The following PLBD2 variants were observed in gnomAD, a reference collection of about 807,000 sequenced individuals.
PLBD2 encodes phospholipase B domain containing 2.
A neutral mutation model predicts 68.3 loss-of-function variants in PLBD2; 51 were observed. The observed-to-expected ratio is 0.75, with a 90% CI of 0.60 to 0.94. The LOEUF is 0.94. PLBD2 is among the 40% of genes least tolerant of loss of function. PLBD2 has a pLI of 0.00. For missense variants in PLBD2, 729 were observed against 792.2 expected, an observed-to-expected ratio of 0.92 and a Z score of 0.96; for synonymous variants, 314 against 339.3, an observed-to-expected ratio of 0.93 and a Z score of 0.82.
rs1957369183 is a variant in PLBD2 at position 113,369,336 on chromosome 12, G to A, written c.384+127G>A. On this transcript the variant is annotated intron_variant, in intron 2 of 11. Transcript: ENST00000280800. Reference sequence around the variant, plus strand: ...CCTGCCACAGCCCTTCATCTATCTGGGGAGAAAAAGTGGACATGCATTCTT... The same window carrying A: ...CCTGCCACAGCCCTTCATCTATCTGAGGAGAAAAAGTGGACATGCATTCTT... 4 of 667,680 alleles carry A rather than the reference G, an allele frequency of 6.0e-6. No homozygotes were observed. The East Asian group carries it at 1.3e-4, about 21-fold the overall frequency. The allele number at this position is 667,680 out of a possible 1,614,324, so 41.4% of individuals were successfully genotyped here. A position where few individuals can be genotyped will look rare whatever the true frequency, so the allele number is the denominator to read the frequency against.
At chr12:113,380,660 T>C (rs1957479583) in intron 5 of PLBD2, 85 bp from the exon 6 acceptor site, 1 of 1,106,128 alleles carries the variant, frequency 9.0e-7, no homozygotes, top group East Asian at 2.6e-5. Context: ...CCTGTGCCCC[T>C]GTGCCTGTGT....
At chr12:113,374,624 C>A in intron 4 of PLBD2, 50 bp downstream of exon 4, 2 of 1,498,656 alleles carry the variant, frequency 1.3e-6, no homozygotes, top group Non-Finnish European at 9.1e-7. Flanking sequence ...GCCACACACT[C>A]ATAGTCGGAC....
chr12:113,385,455 G>C (rs2136923262), intron 9 of PLBD2, among the ~76,000 whole-genome samples, 172 bp downstream of exon 9: 1 of 152,324 alleles, frequency 6.6e-6, no homozygotes, highest in East Asian at 1.9e-4. Context: ...CATGGCTTAA[G>C]TCAGCATCCA....
intron 1 of PLBD2, 127 bp from the exon 2 acceptor site, chr12:113,368,988 TG>T: frequency 1.7e-6 from 1 of 599,308 alleles, no homozygotes; most frequent in Non-Finnish European, 2.9e-6. Flanking sequence ...CTCACAAAGA[TG>T]GACAGACAGA....
At chr12:113,378,975 A>G (rs1045855786) in intron 5 of PLBD2, among the ~76,000 whole-genome samples, 13 of 152,144 alleles carry the variant, frequency 8.5e-5, no homozygotes, top group Non-Finnish European at 1.3e-4. Context: ...TGCCCGGCCT[A>G]CTGGTCCCTT....
chr12:113,384,971 G>T lies in PLBD2; in HGVS notation c.1214+25G>T. ...CGTGCGTACCCTGGGAGGGAGGGGTGGGGGCTCGGGGCAGAGGGGACTGCC... is the reference window on the plus strand; with the variant it reads ...CGTGCGTACCCTGGGAGGGAGGGGTTGGGGCTCGGGGCAGAGGGGACTGCC... On this transcript the variant is annotated intron_variant, in intron 8 of 11. Transcript: ENST00000280800. This position sits in a 1 kb window ranked among gnomAD's most constrained non-coding sequence, Gnocchi z 4.2. 1 of 1,578,706 alleles carries T rather than the reference G, an allele frequency of 6.3e-7. No individual in the cohort carries two copies. Among genetic ancestry groups the T allele is most frequent in the Non-Finnish European group, 8.7e-7 (1 of 1,154,616 alleles).
intron 5 of PLBD2, among the ~76,000 whole-genome samples, chr12:113,375,363 G>A (rs1183047384): frequency 2.0e-5 from 3 of 152,028 alleles, no homozygotes; most frequent in Non-Finnish European, 4.4e-5. Flanking sequence ...TGTTGCCCAG[G>A]CTTGTCTCAA....
At chr12:113,386,510 C>G (rs1037854080) in intron 9 of PLBD2, among the ~76,000 whole-genome samples, 1 of 148,034 alleles carries the variant, frequency 6.8e-6, no homozygotes, top group Non-Finnish European at 1.5e-5. Context: ...CGTGCCACCA[C>G]GCCGGCTAAT....
chr12:113,370,632 C>T (rs1593282296), intron 2 of PLBD2, among the ~76,000 whole-genome samples: 2 of 151,988 alleles, frequency 1.3e-5, no homozygotes, highest in East Asian at 3.9e-4. Context: ...CATGCACCAC[C>T]ACGTCTGGCT....
At chr12:113,365,593 G>A (rs1392209658) in intron 1 of PLBD2, among the ~76,000 whole-genome samples, 1 of 151,964 alleles carries the variant, frequency 6.6e-6, no homozygotes, top group Admixed American at 6.6e-5. Context: ...GATTACAGGC[G>A]TGAGCCACCG....
At chr12:113,374,661 C>T in intron 4 of PLBD2, 87 bp downstream of exon 4, 9 of 1,448,732 alleles carry the variant, frequency 6.2e-6, no homozygotes, top group Non-Finnish European at 8.6e-6. Flanking sequence ...ATCAACCTTG[C>T]CACTCCCTGG....
rs1012769779 is a variant in PLBD2 at position 113,372,736 on chromosome 12, T to G, written c.472T>G (p.Phe158Val). ...EVGYCERLKSFLEANLEWMQE... is the reference protein window; with the variant it reads ...EVGYCERLKSVLEANLEWMQE... The stretch of plus-strand genomic sequence containing the variant: ...CGGCTACTGCGAGAGGCTGAAGAGC[T>G]TCCTGGAGGCCAACCTAGAGTGGAT... The change falls in exon 3 of 12, where the codon TTC becomes GTC. Residue 158 changes from phenylalanine (F) to valine (V), a missense_variant. Physicochemically the swap from Phe to Val is conservative, Grantham distance 50. Transcript: ENST00000280800. This position sits in a 1 kb window ranked among gnomAD's most constrained non-coding sequence, Gnocchi z 4.2. The G allele has an allele frequency of 1.2e-6, 2 of 1,613,950 alleles. No individual in the cohort carries two copies. The highest frequency in any genetic ancestry group is 2.7e-5 in the African/African-American group (2 of 74,918).
In PLBD2 at chr12:113,372,310, C is replaced by CA. The variant is rs1156636841; in HGVS notation, c.385-338dup. Among the ~76,000 whole-genome samples the CA allele has an allele frequency of 2.6e-5, 4 of 151,900 alleles. No individual in the cohort carries two copies. The highest frequency in any genetic ancestry group is 9.7e-5 in the African/African-American group (4 of 41,410). On this transcript the variant is annotated intron_variant, in intron 2 of 11. Transcript: ENST00000280800. This position sits in a 1 kb window ranked among gnomAD's most constrained non-coding sequence, Gnocchi z 4.2. ...GCTGTTTTGTTCCCTGCTATGTCCT[C>CA]AGTGCTTAAAAAGGAACATAATAGG...
chr12:113,385,298 A>G lies in PLBD2; in HGVS notation c.1286+15A>G, dbSNP rs1477813144. On this transcript the variant is annotated intron_variant, in intron 9 of 11. Coordinates refer to ENST00000280800, the MANE Select transcript of PLBD2 (RefSeq NM_173542.4). ...TACAACATACCGTGCGTGCCTTCTC[A>G]CTCCGCTCCCCGTCACCCTCCAGGG... 4 of 1,610,682 alleles carry G rather than the reference A, an allele frequency of 2.5e-6. No individual in the cohort carries two copies. Among genetic ancestry groups the G allele is most frequent in the Non-Finnish European group, 3.4e-6 (4 of 1,177,890 alleles).
At chr12:113,362,845 C>G (rs980679830) in intron 1 of PLBD2, among the ~76,000 whole-genome samples, 2 of 151,312 alleles carry the variant, frequency 1.3e-5, no homozygotes, top group African/African-American at 4.9e-5. Context: ...AGTGCAGTGG[C>G]ATGATCTTGG....
rs576089620 is a variant in PLBD2 at position 113,389,123 on chromosome 12, C to G, written c.*497C>G. 2.6e-5 allele frequency: 4 copies of G among 152,874 alleles called. No homozygotes were observed. Among genetic ancestry groups the G allele is most frequent in the Admixed American group, 6.5e-5 (1 of 15,296 alleles). 9.5% of individuals were successfully genotyped at this position (152,874 alleles called of 1,614,324 possible). On this transcript the variant is annotated 3_prime_UTR_variant, in exon 12 of 12. Transcript: ENST00000280800. ...CTCCCAGCTCTGGCCCCTCTGCTCC[C>G]TCAGGAAGCAGTCCCCTCGTCTCCC...
At chr12:113,358,945 G>T in intron 1 of PLBD2, 55 bp downstream of exon 1, 1 of 1,450,082 alleles carries the variant, frequency 6.9e-7, no homozygotes. Context: ...ATGCGTGGGC[G>T]CCGGACCTCG....
intron 1 of PLBD2, chr12:113,359,372 CCCTT>C (rs1957265648): frequency 6.5e-6 from 1 of 154,204 alleles, no homozygotes; most frequent in Non-Finnish European, 1.4e-5. Flanking sequence ...CACCCTGCCT[CCCTT>C]CCAGTGCCAG....
In PLBD2 at chr12:113,372,716, A is replaced by G; in HGVS notation, c.452A>G (p.Tyr151Cys). Reference sequence around the variant, plus strand: ...GGCCCCTTCGAGTATGAAGTCGGCTACTGCGAGAGGCTGAAGAGCTTCCTG... The same window carrying G: ...GGCCCCTTCGAGTATGAAGTCGGCTGCTGCGAGAGGCTGAAGAGCTTCCTG... ...YCGPFEYEVGYCERLKSFLEA... is the reference protein window; with the variant it reads ...YCGPFEYEVGCCERLKSFLEA... Residue 151 changes from tyrosine (Y) to cysteine (C), a missense_variant, in exon 3 of 12, where the codon TAC becomes TGC. Tyr to Cys is a radical substitution (Grantham distance 194). Transcript: ENST00000280800. The surrounding 1 kb of genome is among the most constrained non-coding windows in gnomAD (Gnocchi z 4.2). The G allele has an allele frequency of 6.2e-7, 1 of 1,614,134 alleles. No individual in the cohort carries two copies. The highest frequency in any genetic ancestry group is 1.3e-5 in the African/African-American group (1 of 75,064).
Sources: gnomAD v4.1 joint callset for allele counts (sites outside exome capture counted in the v4.1 genomes callset) on GRCh38, gnomAD v4.1.1 for gene constraint, Gnocchi (gnomAD v3.1) non-coding constraint, MANE v1.5 for transcripts, NCBI Gene and HGNC (gene_info 2026-07-23, HGNC 2026-07-21) for gene names.